The following STXBP5L variants were observed in gnomAD, a reference collection of about 807,000 sequenced individuals.
The protein encoded by STXBP5L is syntaxin binding protein 5L, also known as syntaxin-binding protein 5-like.
In STXBP5L, 65 loss-of-function variants were observed where a neutral mutation model predicts 144.5. The ratio of observed to expected loss-of-function variants is 0.45; its 90% CI spans 0.37 to 0.55. The LOEUF is 0.55. Among genes scored for constraint, STXBP5L ranks in the 20% least tolerant of loss-of-function variants. The pLI is 0.00. For missense variants in STXBP5L, 1,298 were observed against 1,405.5 expected (o/e 0.92, Z 1.22); for synonymous variants, 505 against 469.6 (o/e 1.08, Z -0.97).
chr3:121,280,170 T>C (rs2051011507), intron 19 of STXBP5L, among the ~76,000 whole-genome samples: 1 of 151,906 alleles, frequency 6.6e-6, no homozygotes, highest in South Asian at 2.1e-4. Flanking sequence ...TTCAATTTGC[T>C]ATTGAAGTTA....
At chr3:121,105,353 G>A (rs961975269) in intron 5 of STXBP5L, among the ~76,000 whole-genome samples, 7 of 149,538 alleles carry the variant, frequency 4.7e-5, no homozygotes, top group East Asian at 2.0e-4. Flanking sequence ...CCGAGATCAC[G>A]CCGCTGCACT....
intron 3 of STXBP5L, among the ~76,000 whole-genome samples, chr3:121,010,639 A>T (rs897287059): frequency 2.0e-5 from 3 of 151,958 alleles, no homozygotes; most frequent in South Asian, 4.1e-4. Context: ...AAACTTTACT[A>T]ATAGCCTACT....
At chr3:121,245,723 A>G (rs1283157107) in intron 14 of STXBP5L, among the ~76,000 whole-genome samples, 3 of 152,198 alleles carry the variant, frequency 2.0e-5, no homozygotes, top group African/African-American at 4.8e-5. Flanking sequence ...AAAAGAGTCA[A>G]TCCAACAGAA....
chr3:121,378,971 A>C, intron 21 of STXBP5L, 85 bp downstream of exon 21: 10 of 1,349,370 alleles, frequency 7.4e-6, no homozygotes, highest in Non-Finnish European at 9.1e-6. Flanking sequence ...GATGGAGATC[A>C]CATATGAAAG....
intron 3 of STXBP5L, among the ~76,000 whole-genome samples, chr3:121,002,897 A>G (rs1333418795): frequency 6.6e-6 from 1 of 152,084 alleles, no homozygotes; most frequent in African/African-American, 2.4e-5. Flanking sequence ...ATCATTTTTT[A>G]TGGCTGCATA....
Position 121,318,462 on chromosome 3 carries a change from A to G in STXBP5L, c.2111-13A>G, listed in dbSNP as rs1225027957. On this transcript the variant is annotated splice_polypyrimidine_tract_variant and intron_variant, in intron 19 of 26. Coordinates refer to ENST00000471454, the MANE Select transcript of STXBP5L (RefSeq NM_001308330.2). The stretch of plus-strand genomic sequence containing the variant: ...AGCAAAATTTATCTCATTTTTTTTC[A>G]TTGTATTTTCAGGTTTAACTGAACT... 6.5e-7 allele frequency: 1 copy of G among 1,537,144 alleles called. No homozygotes were observed. The highest frequency in any genetic ancestry group is 8.7e-7 in the Non-Finnish European group (1 of 1,145,946).
At chr3:121,063,142 G>A (rs183560753) in intron 5 of STXBP5L, among the ~76,000 whole-genome samples, 3 of 152,276 alleles carry the variant, frequency 2.0e-5, no homozygotes, top group African/African-American at 7.2e-5. Flanking sequence ...CATCTTTGTG[G>A]ATTTATCTAC....
At chr3:121,365,687 G>T (rs1193757013) in intron 20 of STXBP5L, among the ~76,000 whole-genome samples, 4 of 150,802 alleles carry the variant, frequency 2.7e-5, no homozygotes, top group Admixed American at 1.3e-4. Context: ...TGTAACTAAA[G>T]TTTTATCAAT....
intron 8 of STXBP5L, among the ~76,000 whole-genome samples, chr3:121,153,156 G>C (rs1288493244): frequency 6.6e-6 from 1 of 152,060 alleles, no homozygotes; most frequent in Non-Finnish European, 1.5e-5. Context: ...ACTTGATTAA[G>C]TTTGTATTTA....
intron 11 of STXBP5L, among the ~76,000 whole-genome samples, chr3:121,230,765 A>T (rs557738970): frequency 2.0e-5 from 3 of 152,318 alleles, no homozygotes; most frequent in Non-Finnish European, 4.4e-5. Context: ...CTCACTAGTT[A>T]AAAGGGATAG....
intron 7 of STXBP5L, among the ~76,000 whole-genome samples, chr3:121,124,465 A>G (rs1030926717): frequency 2.0e-5 from 3 of 152,116 alleles, no homozygotes; most frequent in Non-Finnish European, 4.4e-5. Context: ...GTTTTGCTAT[A>G]TAACTATAAA....
intron 5 of STXBP5L, among the ~76,000 whole-genome samples, chr3:121,070,815 C>T (rs569550493): frequency 3.9e-5 from 6 of 152,200 alleles, no homozygotes; most frequent in East Asian, 1.9e-4. Flanking sequence ...TATGCGAGTA[C>T]GGGAATACTT....
chr3:121,020,855 A>AC (rs201470665), intron 3 of STXBP5L, among the ~76,000 whole-genome samples: 18,206 of 151,732 alleles, frequency 0.12, 1,160 homozygotes, highest in Non-Finnish European at 0.14. Context: ...ACAATGAAAA[A>AC]AAAAAACCCA....
intron 9 of STXBP5L, among the ~76,000 whole-genome samples, chr3:121,191,335 G>T (rs1035043746): frequency 6.6e-6 from 1 of 152,176 alleles, no homozygotes; most frequent in African/African-American, 2.4e-5. Flanking sequence ...GTCAGGAGCT[G>T]GAGACCAGCC....
At chr3:120,991,545 G>GCA (rs1942873328) in intron 3 of STXBP5L, among the ~76,000 whole-genome samples, 1 of 136,224 alleles carries the variant, frequency 7.3e-6, no homozygotes, top group Non-Finnish European at 1.6e-5. Flanking sequence ...TGTTTATGGT[G>GCA]GCACTATTCA....
chr3:121,166,204 G>A (rs1403368688), intron 9 of STXBP5L, among the ~76,000 whole-genome samples: 1 of 151,898 alleles, frequency 6.6e-6, no homozygotes. Context: ...ACAGGTTTTC[G>A]AATGTTGCCT....
chr3:121,138,010 T>A (rs1477589929), intron 7 of STXBP5L, among the ~76,000 whole-genome samples: 7 of 152,148 alleles, frequency 4.6e-5, no homozygotes, highest in Non-Finnish European at 8.8e-5. Context: ...GCTGATGACA[T>A]GATTTTATAC....
Position 121,314,861 on chromosome 3 carries a change from A to G in STXBP5L, c.2111-3614A>G, listed in dbSNP as rs533460975. Among the ~76,000 whole-genome samples the G allele has an allele frequency of 3.9e-5, 6 of 152,236 alleles. No individual in the cohort carries two copies. The East Asian group carries it at 5.8e-4, about 15-fold the overall frequency. ...ACACTTCTCAAAAGAAGACATTTAC[A>G]CAGCCAAAAGACACATGAAAAAATG... is the stretch of plus-strand genomic sequence containing the variant. On this transcript the variant is annotated intron_variant, in intron 19 of 26. Transcript: ENST00000471454.
At chr3:121,312,446 C>CATTTTTT (rs1468535221) in intron 19 of STXBP5L, among the ~76,000 whole-genome samples, 8 of 12,750 alleles carry the variant, frequency 6.3e-4, no homozygotes, top group Non-Finnish European at 7.0e-4. Context: ...GTATGTCAAT[C>CATTTTTT]TTTTTTTTTT....
Sources: gnomAD v4.1 joint callset for allele counts (sites outside exome capture counted in the v4.1 genomes callset) on GRCh38, gnomAD v4.1.1 for gene constraint, MANE v1.5 for transcripts, NCBI Gene and HGNC (gene_info 2026-07-23, HGNC 2026-07-21) for gene names.